PDE3A: variants seen among roughly 807,000 people sequenced by gnomAD.
PDE3A encodes the protein cGMP-inhibited 3',5'-cyclic phosphodiesterase 3A.
In PDE3A, 43 loss-of-function variants were observed where a neutral mutation model predicts 98.3. That is an observed-to-expected ratio of 0.44 (90% CI 0.34 to 0.56). PDE3A has a LOEUF of 0.56. PDE3A is among the 20% of genes least tolerant of loss of function. PDE3A has a pLI of 0.01. For synonymous variants in PDE3A, 663 were observed against 567.9 expected (o/e 1.17, Z -2.38); for missense variants, 1,427 against 1,440.7 (o/e 0.99, Z 0.15).
At position 20,439,563 on chromosome 12, in the gene PDE3A, GCTGA is replaced by G. The variant is rs1267479776; in HGVS notation, c.960+69323_960+69326del. Among the ~76,000 whole-genome samples, 4 of 152,100 alleles carry G rather than the reference GCTGA, an allele frequency of 2.6e-5. No homozygotes were observed. In the East Asian group the frequency reaches 7.7e-4, roughly 29 times the overall value. On this transcript the variant is annotated intron_variant, in intron 1 of 15. Transcript: ENST00000359062. The stretch of plus-strand genomic sequence containing the variant: ...AAAAATATTCAGATCACTGGTTATT[GCTGA>G]CTGCTTATAAGGCAAAATATTTTGA...
chr12:20,669,728 C>T (rs998910403), intron 15 of PDE3A, among the ~76,000 whole-genome samples: 2 of 152,040 alleles, frequency 1.3e-5, no homozygotes, highest in Non-Finnish European at 2.9e-5. Flanking sequence ...ACAACCAGTA[C>T]CAGCTGCTGC....
In PDE3A at chr12:20,630,126, A is replaced by C. The variant is rs1201296575; in HGVS notation, c.1759A>C (p.Ser587Arg). 6.3e-7 allele frequency: 1 copy of C among 1,596,318 alleles called. No homozygotes were observed. Among genetic ancestry groups the C allele is most frequent in the Non-Finnish European group, 8.6e-7 (1 of 1,164,060 alleles). ...CCTGACTCCACCTGTTATATGTAGC[A>C]GGTAAGGATTTTTTATGAACTGAAG... ...QILTPPVICS[S>R]CGRPYSQGNP... Residue 587 changes from serine (S) to arginine (R), a missense_variant and splice_region_variant, in exon 6 of 16, where the codon AGC (serine) becomes CGC (arginine). Ser to Arg is a moderately radical substitution (Grantham distance 110). Around this residue, in one of 3 missense-constraint regions of PDE3A, gnomAD observed 1,012 missense variants for 886.5 expected, o/e 1.14. Coordinates refer to ENST00000359062, the MANE Select transcript of PDE3A (RefSeq NM_000921.5).
rs1945939374 is a variant in PDE3A at position 20,685,599 on chromosome 12, T to A, written c.*5328T>A. On this transcript the variant is annotated 3_prime_UTR_variant, in exon 16 of 16. Transcript: ENST00000359062. ...ATTATATATAAATGGAAAACAAAAT[T>A]AGCTTTTGACATATGTTTAAGTCTC... 6.6e-6 allele frequency among the ~76,000 whole-genome samples: 1 copy of A among 151,966 alleles called. No homozygotes were observed. The highest frequency in any genetic ancestry group is 2.1e-4 in the South Asian group (1 of 4,822).
chr12:20,623,065 C>A (rs1330877224), intron 5 of PDE3A, among the ~76,000 whole-genome samples: 1 of 151,844 alleles, frequency 6.6e-6, no homozygotes, highest in Non-Finnish European at 1.5e-5. Context: ...AACTGCAGAG[C>A]AGCTAAATGT....
At chr12:20,437,013 C>A (rs184699715) in intron 1 of PDE3A, among the ~76,000 whole-genome samples, 25 of 151,244 alleles carry the variant, frequency 1.7e-4, no homozygotes, top group Admixed American at 5.3e-4. Context: ...TTCCTCTTTT[C>A]TTTTTGCCTC....
chr12:20,449,238 G>A (rs988163152), intron 1 of PDE3A, among the ~76,000 whole-genome samples: 5 of 152,158 alleles, frequency 3.3e-5, no homozygotes, highest in African/African-American at 1.2e-4. Flanking sequence ...TTCTCCTCGT[G>A]ATTCTGCCTT....
intron 1 of PDE3A, among the ~76,000 whole-genome samples, chr12:20,549,708 C>G (rs947644915): frequency 1.3e-5 from 2 of 151,920 alleles, no homozygotes; most frequent in African/African-American, 4.8e-5. Context: ...TCTTGGTCAG[C>G]TCATACCTTT....
chr12:20,671,709 A>C (rs1412360349), intron 15 of PDE3A, among the ~76,000 whole-genome samples: 4 of 144,952 alleles, frequency 2.8e-5, no homozygotes, highest in African/African-American at 1.0e-4. Context: ...TCAAAATAAT[A>C]AGAGCTATCT....
rs1944462221 is a variant in PDE3A at position 20,634,824 on chromosome 12, A to G, written c.1847-78A>G. The G allele has an allele frequency of 1.4e-5, 14 of 971,766 alleles. No homozygotes were observed. The South Asian group carries it at 1.7e-4, about 12-fold the overall frequency. 60.2% of individuals were successfully genotyped at this position (971,766 alleles called of 1,614,324 possible). On this transcript the variant is annotated intron_variant, in intron 7 of 15. Coordinates refer to ENST00000359062, the MANE Select transcript of PDE3A (RefSeq NM_000921.5). ...CCTAAACACTATATTTACCATATGC[A>G]TCTTAGCAAAATTTGCTTAAATGAG...
intron 1 of PDE3A, among the ~76,000 whole-genome samples, chr12:20,424,721 A>G (rs1414445918): frequency 2.0e-5 from 3 of 152,344 alleles, no homozygotes; most frequent in Admixed American, 6.5e-5. Context: ...TATATCACTC[A>G]CACTGTGGAG....
At chr12:20,610,690 A>C (rs1287929174) in intron 2 of PDE3A, among the ~76,000 whole-genome samples, 1 of 152,000 alleles carries the variant, frequency 6.6e-6, no homozygotes, top group African/African-American at 2.4e-5. Flanking sequence ...ATACAATGGA[A>C]TAGCATTCAC....
chr12:20,444,369 A>C (rs10841527), intron 1 of PDE3A, among the ~76,000 whole-genome samples: 1 of 152,078 alleles, frequency 6.6e-6, no homozygotes. Context: ...ATACACATAA[A>C]CAACAGAGAG....
intron 1 of PDE3A, among the ~76,000 whole-genome samples, chr12:20,464,572 A>T (rs1332641530): frequency 2.0e-5 from 3 of 152,150 alleles, no homozygotes; most frequent in African/African-American, 2.4e-5. Context: ...TTTCTTCTGG[A>T]TGGCTATTAC....
chr12:20,469,708 G>A (rs1314803086), intron 1 of PDE3A, among the ~76,000 whole-genome samples: 3 of 152,110 alleles, frequency 2.0e-5, no homozygotes, highest in Non-Finnish European at 2.9e-5. Context: ...ACTGTCTAGA[G>A]TAACATAATA....
At chr12:20,528,281 T>C (rs1218447323) in intron 1 of PDE3A, among the ~76,000 whole-genome samples, 1 of 152,220 alleles carries the variant, frequency 6.6e-6, no homozygotes, top group Non-Finnish European at 1.5e-5. Context: ...ACTCCCTTTC[T>C]CAAACCCCAG....
At chr12:20,419,738 A>ATT (rs34873079) in intron 1 of PDE3A, among the ~76,000 whole-genome samples, 3,139 of 132,640 alleles carry the variant, frequency 0.024, 139 homozygotes, top group African/African-American at 0.044. Flanking sequence ...TTAATATTGT[A>ATT]TTTTTTTTTT....
At chr12:20,488,723 G>A (rs896548063) in intron 1 of PDE3A, among the ~76,000 whole-genome samples, 8 of 151,916 alleles carry the variant, frequency 5.3e-5, no homozygotes, top group South Asian at 2.1e-4. Flanking sequence ...TCAGCCTCTC[G>A]AGTATACTGT....
At chr12:20,601,131 T>G (rs576878451) in intron 2 of PDE3A, among the ~76,000 whole-genome samples, 1 of 152,304 alleles carries the variant, frequency 6.6e-6, no homozygotes, top group Admixed American at 6.5e-5. Context: ...AAAAGCTGAA[T>G]CGAGAATTGT....
At chr12:20,537,333 G>A (rs1489116475) in intron 1 of PDE3A, among the ~76,000 whole-genome samples, 1 of 151,858 alleles carries the variant, frequency 6.6e-6, no homozygotes, top group Non-Finnish European at 1.5e-5. Flanking sequence ...TTTATGATTT[G>A]ACAATATTTT....
Sources: gnomAD v4.1 joint callset for allele counts (sites outside exome capture counted in the v4.1 genomes callset) on GRCh38, gnomAD v4.1.1 for gene constraint, gnomAD v4.1.1 regional missense constraint, MANE v1.5 for transcripts, NCBI Gene and HGNC (gene_info 2026-07-23, HGNC 2026-07-21) for gene names.